The following TRPC5 variants were observed in gnomAD, a reference collection of about 807,000 sequenced individuals.
TRPC5 encodes transient receptor potential cation channel subfamily C member 5.
Under a neutral mutation model 56.5 loss-of-function variants are expected in TRPC5, and 9 were observed. That is an observed-to-expected ratio of 0.16 (90% CI 0.10 to 0.28). The LOEUF (loss-of-function observed/expected upper bound fraction) is 0.28. Ranked by LOEUF, TRPC5 falls within the 10% of genes least tolerant of loss-of-function variation. The pLI, the probability that TRPC5 is intolerant of heterozygous loss-of-function variation, is 1.00. For missense variants in TRPC5, 469 were observed against 748.9 expected, an observed-to-expected ratio of 0.63 and a Z score of 4.36; for synonymous variants, 282 against 278.5, an observed-to-expected ratio of 1.01 and a Z score of -0.13.
chrX:111,861,462 A>C (rs1923403390), intron 3 of TRPC5, among the ~76,000 whole-genome samples: 1 of 111,903 alleles, frequency 8.9e-6, no homozygotes, highest in South Asian at 3.6e-4. Flanking sequence ...CAAAATGTAC[A>C]TTTTTATGCC....
chrX:111,807,029 A>G (rs1243829927), intron 7 of TRPC5, among the ~76,000 whole-genome samples: 1 of 111,386 alleles, frequency 9.0e-6, no homozygotes, highest in Non-Finnish European at 1.9e-5. Flanking sequence ...GAAGAATTTG[A>G]TTATTAAATG....
At chrX:111,837,603 C>A (rs1922602511) in intron 6 of TRPC5, among the ~76,000 whole-genome samples, 1 of 111,470 alleles carries the variant, frequency 9.0e-6, no homozygotes, top group Non-Finnish European at 1.9e-5. Flanking sequence ...AATATGTAAT[C>A]AATATGTTGG....
chrX:111,796,192 AT>A (rs2148557797), intron 7 of TRPC5, among the ~76,000 whole-genome samples: 1 of 111,635 alleles, frequency 9.0e-6, no homozygotes, highest in Non-Finnish European at 1.9e-5. Flanking sequence ...CTTTATTAAT[AT>A]TCTCTATTTG....
intron 3 of TRPC5, chrX:111,901,976 A>C: frequency 8.7e-7 from 1 of 1,155,635 alleles, no homozygotes. Context: ...TGTAGAAGAA[A>C]ATGGTAGAGC....
intron 3 of TRPC5, among the ~76,000 whole-genome samples, chrX:111,897,940 G>A (rs1439921504): frequency 9.0e-6 from 1 of 110,504 alleles, no homozygotes; most frequent in Non-Finnish European, 1.9e-5. Context: ...TAGTTTTATA[G>A]GAAACTGATA....
chrX:111,853,468 T>C (rs1923139925), intron 4 of TRPC5, among the ~76,000 whole-genome samples: 2 of 112,008 alleles, frequency 1.8e-5, no homozygotes, highest in South Asian at 3.7e-4. Context: ...CTTACCTTAC[T>C]TGAGGCCTGT....
intron 6 of TRPC5, among the ~76,000 whole-genome samples, chrX:111,837,109 T>C (rs1421822384): frequency 8.9e-6 from 1 of 112,099 alleles, no homozygotes; most frequent in Non-Finnish European, 1.9e-5. Context: ...TGCCAGCTGG[T>C]GAAGCAGTTG....
chrX:112,030,370 G>T lies in TRPC5; in HGVS notation c.-22+51509C>A, dbSNP rs776121038. Among the ~76,000 whole-genome samples the T allele has an allele frequency of 4.5e-5, 5 of 112,257 alleles. No individual in the cohort carries two copies. In the South Asian group the frequency reaches 1.9e-3, roughly 42 times the overall value. Reference sequence around the variant, plus strand: ...TGCCCGAAGTCCATAGCTAGTAAGTGAGAGATCTGGAATTTGAACCAACAT... The same window carrying T: ...TGCCCGAAGTCCATAGCTAGTAAGTTAGAGATCTGGAATTTGAACCAACAT... On this transcript the variant is annotated intron_variant, in intron 1 of 10. Transcript: ENST00000262839.
intron 1 of TRPC5, among the ~76,000 whole-genome samples, chrX:112,012,602 A>G (rs1451898714): frequency 1.8e-5 from 2 of 110,957 alleles, no homozygotes; most frequent in Admixed American, 9.7e-5. Flanking sequence ...AGGTGTTATT[A>G]TCTCCTCTTC....
At chrX:111,832,189 G>T (rs1325984745) in intron 7 of TRPC5, among the ~76,000 whole-genome samples, 1 of 111,906 alleles carries the variant, frequency 8.9e-6, no homozygotes, top group Non-Finnish European at 1.9e-5. Context: ...CACTACTGAG[G>T]TGGAGCCTCC....
At chrX:111,990,160 C>A (rs1928315254) in intron 1 of TRPC5, among the ~76,000 whole-genome samples, 1 of 112,248 alleles carries the variant, frequency 8.9e-6, no homozygotes, top group Non-Finnish European at 1.9e-5. Flanking sequence ...GCTCATGCCT[C>A]TAATCCCAGC....
chrX:111,991,479 T>C (rs968370431), intron 1 of TRPC5, among the ~76,000 whole-genome samples: 2 of 111,074 alleles, frequency 1.8e-5, no homozygotes, highest in Non-Finnish European at 3.8e-5. Context: ...CCAAAGGCAA[T>C]GGTCCATCAA....
At chrX:111,979,687 G>T (rs1603128576) in intron 1 of TRPC5, among the ~76,000 whole-genome samples, 1 of 111,584 alleles carries the variant, frequency 9.0e-6, no homozygotes, top group Non-Finnish European at 1.9e-5. Flanking sequence ...CACCAAAAAG[G>T]ATATATAAAT....
At chrX:111,847,084 A>C (rs1283080727) in intron 6 of TRPC5, 30 bp downstream of exon 6, 1 of 1,155,784 alleles carries the variant, frequency 8.7e-7, no homozygotes, top group African/African-American at 1.8e-5. Flanking sequence ...AAAAAAAAAT[A>C]AATAAATAAA....
chrX:111,841,532 T>C (rs1922732153), intron 6 of TRPC5, among the ~76,000 whole-genome samples: 1 of 112,174 alleles, frequency 8.9e-6, no homozygotes, highest in African/African-American at 3.2e-5. Context: ...ATGAGTTAAT[T>C]CACGAAAAGC....
At chrX:111,783,656 C>A (rs1945937967) in intron 7 of TRPC5, among the ~76,000 whole-genome samples, 1 of 110,297 alleles carries the variant, frequency 9.1e-6, no homozygotes. Flanking sequence ...ATTCTAGATA[C>A]AATCCCTTTG....
rs781568726 is a variant in TRPC5, at chrX:111,806,061, TA to T, written c.1897-23924del. ...AAGCATTTAAAAAATGTTTTATTGG[TA>T]AAGGTATATTAAAATTATTAAAATA... On this transcript the variant is annotated intron_variant, in intron 7 of 10. Coordinates refer to ENST00000262839, the MANE Select transcript of TRPC5 (RefSeq NM_012471.3). Among the ~76,000 whole-genome samples the T allele has an allele frequency of 2.6e-3, 286 of 112,003 alleles. 2 individuals are homozygous for T. In the Middle Eastern group the frequency reaches 0.028, roughly 11 times the overall value.
chrX:112,027,726 G>A (rs1290820947), intron 1 of TRPC5, among the ~76,000 whole-genome samples: 42 of 111,088 alleles, frequency 3.8e-4, no homozygotes, highest in Non-Finnish European at 9.4e-5. Flanking sequence ...TCGATCTCCT[G>A]ACCTCATGAT....
intron 1 of TRPC5, among the ~76,000 whole-genome samples, chrX:112,047,086 G>T (rs1320756175): frequency 9.0e-6 from 1 of 111,553 alleles, no homozygotes; most frequent in Non-Finnish European, 1.9e-5. Context: ...TCTTCAGTAT[G>T]TAGCAAAGTT....
Sources: gnomAD v4.1 joint callset for allele counts (sites outside exome capture counted in the v4.1 genomes callset) on GRCh38, gnomAD v4.1.1 for gene constraint, MANE v1.5 for transcripts, NCBI Gene and HGNC (gene_info 2026-07-23, HGNC 2026-07-21) for gene names.